TAFA2: variants seen among roughly 807,000 people sequenced by gnomAD.
The protein encoded by TAFA2 is chemokine-like protein TAFA-2.
TAFA2 carries 7 observed loss-of-function variants against 18.8 expected under a neutral mutation model. The ratio of observed to expected loss-of-function variants is 0.37; its 90% CI spans 0.21 to 0.70. The LOEUF is 0.70. Ranked by LOEUF, TAFA2 falls within the 30% of genes least tolerant of loss-of-function variation. The probability of loss-of-function intolerance (pLI) is 0.53; values close to 1 mark genes in which losing one functional copy is unlikely to be tolerated. For synonymous variants in TAFA2, 60 were observed against 54.2 expected (o/e 1.11, Z -0.47); for missense variants, 122 against 158.1 (o/e 0.77, Z 1.23).
chr12:61,950,383 CA>C (rs1434203031), intron 1 of TAFA2, among the ~76,000 whole-genome samples: 1 of 152,134 alleles, frequency 6.6e-6, no homozygotes, highest in Non-Finnish European at 1.5e-5. Context: ...GCACTACTAA[CA>C]GTGCACAAGG....
At chr12:61,771,621 T>C (rs1318574152) in intron 2 of TAFA2, among the ~76,000 whole-genome samples, 1 of 151,982 alleles carries the variant, frequency 6.6e-6, no homozygotes. Context: ...AATTTGCCCC[T>C]GAATGATTGT....
At chr12:62,065,869 C>T (rs992141259) in intron 1 of TAFA2, among the ~76,000 whole-genome samples, 1 of 151,842 alleles carries the variant, frequency 6.6e-6, no homozygotes, top group East Asian at 1.9e-4. Flanking sequence ...ATGTCAGCTG[C>T]AGAACACACC....
At position 62,073,497 on chromosome 12, in the gene TAFA2, T is replaced by A. The variant is rs182182328; in HGVS notation, c.-2+117762A>T. 3.0e-3 allele frequency among the ~76,000 whole-genome samples: 459 copies of A among 151,502 alleles called. 4 individuals are homozygous for A. Among genetic ancestry groups the A allele is most frequent in the African/African-American group, 0.011 (437 of 41,284 alleles). On this transcript the variant is annotated intron_variant, in intron 1 of 4. Coordinates refer to ENST00000416284, the MANE Select transcript of TAFA2 (RefSeq NM_178539.5). ...GTTATATTATAGGTAGGTGTTATTATCTTATCTATATATTATAGATAAGAA... is the reference window on the plus strand; with the variant it reads ...GTTATATTATAGGTAGGTGTTATTAACTTATCTATATATTATAGATAAGAA...
intron 2 of TAFA2, among the ~76,000 whole-genome samples, chr12:61,783,082 C>A (rs1241242186): frequency 6.6e-6 from 1 of 151,554 alleles, no homozygotes; most frequent in Non-Finnish European, 1.5e-5. Context: ...CATACTTTTA[C>A]ATCAAAGGGT....
intron 1 of TAFA2, among the ~76,000 whole-genome samples, chr12:62,173,935 C>A (rs751334956): frequency 2.6e-5 from 4 of 152,100 alleles, no homozygotes; most frequent in African/African-American, 9.7e-5. Flanking sequence ...TTACCAGGAA[C>A]CTTAGATTTG....
chr12:61,722,154 G>A lies in TAFA2; in HGVS notation c.385-11737C>T, dbSNP rs554351804. Among the ~76,000 whole-genome samples, 31 of 152,216 alleles carry A rather than the reference G, an allele frequency of 2.0e-4. No individual in the cohort carries two copies. The South Asian group carries it at 4.1e-3, about 20-fold the overall frequency. On this transcript the variant is annotated intron_variant, in intron 4 of 4. Transcript: ENST00000416284. ...CTCCGACAATAGAGGGGTTTTGGTT[G>A]TATAAGTTAAAAGTAAAGTAAAGCA... is the stretch of plus-strand genomic sequence containing the variant.
chr12:61,902,797 C>T (rs1249731969), intron 1 of TAFA2, among the ~76,000 whole-genome samples: 1 of 152,148 alleles, frequency 6.6e-6, no homozygotes, highest in Non-Finnish European at 1.5e-5. Flanking sequence ...TAACAGGCAT[C>T]TCAAACCTAA....
chr12:62,191,088 C>CCG (rs1314061572), intron 1 of TAFA2, among the ~76,000 whole-genome samples, 171 bp downstream of exon 1: 2 of 152,162 alleles, frequency 1.3e-5, no homozygotes, highest in African/African-American at 4.8e-5. Context: ...GCCGATGGAC[C>CCG]CGCATCTGCC....
At chr12:61,801,702 A>C (rs374237378) in intron 2 of TAFA2, among the ~76,000 whole-genome samples, 14 of 152,236 alleles carry the variant, frequency 9.2e-5, no homozygotes, top group African/African-American at 3.1e-4. Context: ...GGTTGAGCCA[A>C]AGATTTTATG....
chr12:62,169,775 C>A (rs565614227), intron 1 of TAFA2, among the ~76,000 whole-genome samples: 6 of 142,196 alleles, frequency 4.2e-5, no homozygotes, highest in Admixed American at 1.5e-4. Flanking sequence ...GGCATGAACC[C>A]GGGAGGCGGA....
chr12:61,785,149 C>G (rs533007876), intron 2 of TAFA2, among the ~76,000 whole-genome samples: 13 of 151,694 alleles, frequency 8.6e-5, no homozygotes, highest in African/African-American at 3.1e-4. Flanking sequence ...ATTCTCTGTT[C>G]TACATGTTAC....
At chr12:62,133,002 G>T (rs1870750926) in intron 1 of TAFA2, among the ~76,000 whole-genome samples, 1 of 151,854 alleles carries the variant, frequency 6.6e-6, no homozygotes, top group South Asian at 2.1e-4. Flanking sequence ...CACATTCCAA[G>T]GGAATGCAGA....
chr12:61,828,480 G>A (rs1348789573), intron 2 of TAFA2, among the ~76,000 whole-genome samples: 1 of 151,728 alleles, frequency 6.6e-6, no homozygotes, highest in Non-Finnish European at 1.5e-5. Flanking sequence ...ATACTCATTA[G>A]TCATGGTAAT....
At chr12:61,858,952 A>C (rs1874001048) in intron 2 of TAFA2, among the ~76,000 whole-genome samples, 1 of 152,370 alleles carries the variant, frequency 6.6e-6, no homozygotes, top group African/African-American at 2.4e-5. Flanking sequence ...ATGAATCTCA[A>C]GAGAAAAACA....
chr12:61,861,654 A>G (rs978339866), intron 2 of TAFA2, among the ~76,000 whole-genome samples: 1 of 152,164 alleles, frequency 6.6e-6, no homozygotes, highest in African/African-American at 2.4e-5. Context: ...TGAATAAACT[A>G]TCAAATGAAT....
intron 4 of TAFA2, among the ~76,000 whole-genome samples, chr12:61,750,036 C>G (rs1868938119): frequency 6.6e-6 from 1 of 151,560 alleles, no homozygotes; most frequent in Admixed American, 6.6e-5. Flanking sequence ...CTGTTTTTTT[C>G]CGATGATTTC....
rs369612045 is a variant in TAFA2, at chr12:61,831,278, T to C, written c.106+36042A>G. Reference sequence around the variant, plus strand: ...CCTTTAATCTTTGAAATTGCTGTCATTAACAGTTTATGGACCATACAGGAA... The same window carrying C: ...CCTTTAATCTTTGAAATTGCTGTCACTAACAGTTTATGGACCATACAGGAA... On this transcript the variant is annotated intron_variant, in intron 2 of 4. Coordinates refer to ENST00000416284, the MANE Select transcript of TAFA2 (RefSeq NM_178539.5). Among the ~76,000 whole-genome samples, 23 of 152,172 alleles carry C rather than the reference T, an allele frequency of 1.5e-4. No homozygotes were observed. In the East Asian group the frequency reaches 4.3e-3, roughly 28 times the overall value.
In TAFA2 at chr12:62,089,726, A is replaced by G. The variant is rs934710971; in HGVS notation, c.-2+101533T>C. 4.8e-4 allele frequency among the ~76,000 whole-genome samples: 73 copies of G among 152,214 alleles called. 1 individual carries two copies. Among genetic ancestry groups the G allele is most frequent in the African/African-American group, 1.3e-3 (56 of 41,548 alleles). On this transcript the variant is annotated intron_variant, in intron 1 of 4. Transcript: ENST00000416284. Reference sequence around the variant, plus strand: ...ATCTGAATGATCTTTTTAAAACCACAGAGCTGAAACAAGTAATTGCTAAAG... The same window carrying G: ...ATCTGAATGATCTTTTTAAAACCACGGAGCTGAAACAAGTAATTGCTAAAG...
At position 62,233,066 on chromosome 12, in the gene TAFA2, C is replaced by CTTTTTTTTTT. The variant is rs34781688; in HGVS notation, c.-130+25687_-130+25696dup. ...TGTCCTCCCAGCAATTTCTGCATCT[C>CTTTTTTTTTT]TTTTTTTTTTTTTTTTTTTTTTTTT... On this transcript the variant is annotated intron_variant, in intron 1 of 5. Transcript: ENST00000551619. Among the ~76,000 whole-genome samples, 124 of 39,582 alleles carry CTTTTTTTTTT rather than the reference C, an allele frequency of 3.1e-3. 35 individuals are homozygous for CTTTTTTTTTT. Among genetic ancestry groups the CTTTTTTTTTT allele is most frequent in the Non-Finnish European group, 3.9e-3 (86 of 22,078 alleles). 26.0% of individuals were successfully genotyped at this position (39,582 alleles called of 152,430 possible). A position where few individuals can be genotyped will look rare whatever the true frequency, so the allele number is the denominator to read the frequency against.
Sources: allele counts gnomAD v4.1 joint callset (sites outside exome capture counted in the v4.1 genomes callset), GRCh38; gene constraint gnomAD v4.1.1; transcripts MANE v1.5; gene names NCBI Gene and HGNC (gene_info 2026-07-23, HGNC 2026-07-21).